The following HPSE2 variants were observed in gnomAD, a reference collection of about 807,000 sequenced individuals.
HPSE2 encodes the protein inactive heparanase-2.
HPSE2 carries 38 observed loss-of-function variants against 60.5 expected under a neutral mutation model. The observed-to-expected ratio is 0.63, with a 90% confidence interval of 0.48 to 0.82. The LOEUF is 0.82. HPSE2 is among the 40% of genes least tolerant of loss of function. The probability of loss-of-function intolerance (pLI) is 0.00; values close to 1 mark genes in which losing one functional copy is unlikely to be tolerated. For missense variants in HPSE2, 713 were observed against 740.4 expected, an observed-to-expected ratio of 0.96 and a Z score of 0.43; for synonymous variants, 295 against 293.2, an observed-to-expected ratio of 1.01 and a Z score of -0.06.
Position 98,729,391 on chromosome 10 carries a change from C to T in HPSE2, c.785-7563G>A, listed in dbSNP as rs76723360. Among the ~76,000 whole-genome samples the T allele has an allele frequency of 9.9e-5, 15 of 152,106 alleles. No individual in the cohort carries two copies. The East Asian group carries it at 2.1e-3, about 22-fold the overall frequency. ...TTGGGAGGCCAAGATGGGTAGGTCA[C>T]GCGGTCAGGAGATCAAAACCATCCT... On this transcript the variant is annotated intron_variant, in intron 4 of 11. Transcript: ENST00000370552.
intron 3 of HPSE2, among the ~76,000 whole-genome samples, chr10:98,749,528 T>G (rs1431268523): frequency 6.6e-6 from 1 of 151,436 alleles, no homozygotes; most frequent in African/African-American, 2.4e-5. Context: ...TACAAGAAGA[T>G]AGATATACAT....
At chr10:98,893,014 T>TA (rs1953380063) in intron 3 of HPSE2, among the ~76,000 whole-genome samples, 1 of 152,028 alleles carries the variant, frequency 6.6e-6, no homozygotes, top group African/African-American at 2.4e-5. Context: ...TACTATGAGG[T>TA]AGGTATCATT....
At chr10:99,011,866 A>T (rs1240872787) in intron 3 of HPSE2, among the ~76,000 whole-genome samples, 1 of 151,860 alleles carries the variant, frequency 6.6e-6, no homozygotes, top group Admixed American at 6.6e-5. Context: ...AGAAATTCTT[A>T]AAAGCATTCA....
intron 2 of HPSE2, among the ~76,000 whole-genome samples, chr10:99,201,391 T>C (rs533850820): frequency 2.5e-4 from 38 of 152,164 alleles, no homozygotes; most frequent in Non-Finnish European, 4.7e-4. Context: ...CACTATTCTA[T>C]TCTGTCCTGT....
chr10:99,055,325 C>T (rs1225057323), intron 3 of HPSE2, among the ~76,000 whole-genome samples: 2 of 151,818 alleles, frequency 1.3e-5, no homozygotes, highest in Non-Finnish European at 2.9e-5. Flanking sequence ...AAATAAAATA[C>T]TAGAACTGGA....
At chr10:98,997,082 T>C (rs1188511620) in intron 3 of HPSE2, among the ~76,000 whole-genome samples, 1 of 151,702 alleles carries the variant, frequency 6.6e-6, no homozygotes, top group Non-Finnish European at 1.5e-5. Flanking sequence ...CTGTCCCTAA[T>C]GTCCTTACTT....
At chr10:98,483,875 CAGCATA>C (rs369569591) in intron 10 of HPSE2, among the ~76,000 whole-genome samples, 29 of 152,280 alleles carry the variant, frequency 1.9e-4, no homozygotes, top group African/African-American at 6.7e-4. Flanking sequence ...TTCATTATTG[CAGCATA>C]ACCTCACCTA....
At chr10:98,775,848 T>C (rs892402201) in intron 3 of HPSE2, among the ~76,000 whole-genome samples, 1 of 152,204 alleles carries the variant, frequency 6.6e-6, no homozygotes, top group African/African-American at 2.4e-5. Context: ...ATTCATCAGC[T>C]ACCCCAATAA....
At chr10:98,892,872 C>T (rs899802387) in intron 3 of HPSE2, among the ~76,000 whole-genome samples, 1 of 152,048 alleles carries the variant, frequency 6.6e-6, no homozygotes, top group Non-Finnish European at 1.5e-5. Context: ...TTTCCCCCAG[C>T]ATTAAACCTT....
chr10:99,226,163 T>G, intron 2 of HPSE2, among the ~76,000 whole-genome samples: 1 of 151,974 alleles, frequency 6.6e-6, no homozygotes, highest in East Asian at 1.9e-4. Flanking sequence ...ATTTGCCTCA[T>G]GCTCTCTCTC....
intron 3 of HPSE2, among the ~76,000 whole-genome samples, chr10:98,888,825 T>G (rs1004984732): frequency 6.6e-6 from 1 of 152,248 alleles, no homozygotes; most frequent in African/African-American, 2.4e-5. Context: ...ACCAATTAAA[T>G]TTGAGAATCT....
intron 6 of HPSE2, among the ~76,000 whole-genome samples, chr10:98,665,362 T>C (rs1947334898): frequency 6.6e-6 from 1 of 152,096 alleles, no homozygotes; most frequent in African/African-American, 2.4e-5. Flanking sequence ...GAAAACATAT[T>C]TGAAGAAAGA....
intron 3 of HPSE2, among the ~76,000 whole-genome samples, chr10:99,034,134 A>C (rs1470790841): frequency 6.6e-6 from 1 of 152,238 alleles, no homozygotes; most frequent in African/African-American, 2.4e-5. Flanking sequence ...GTATAATAGA[A>C]TATTATTCAA....
chr10:98,670,735 CAT>C (rs1947484628), intron 6 of HPSE2, among the ~76,000 whole-genome samples: 1 of 152,226 alleles, frequency 6.6e-6, no homozygotes, highest in East Asian at 1.9e-4. Context: ...TATAGAAGAA[CAT>C]TGTGAAACTC....
chr10:99,036,985 AG>A (rs1243437188), intron 3 of HPSE2, among the ~76,000 whole-genome samples: 3 of 152,182 alleles, frequency 2.0e-5, no homozygotes, highest in Non-Finnish European at 4.4e-5. Flanking sequence ...GAGCAAGATT[AG>A]TATCACTAAG....
At chr10:99,234,947 T>G (rs1849789518) in intron 1 of HPSE2, among the ~76,000 whole-genome samples, 1 of 152,150 alleles carries the variant, frequency 6.6e-6, no homozygotes, top group African/African-American at 2.4e-5. Flanking sequence ...ATAAAAAATT[T>G]TAACTCCGAT....
chr10:98,800,146 T>C (rs527753621), intron 3 of HPSE2, among the ~76,000 whole-genome samples: 3 of 151,862 alleles, frequency 2.0e-5, no homozygotes, highest in Non-Finnish European at 4.4e-5. Context: ...GGTGGGCAAA[T>C]TGCTTGAGCC....
chr10:98,846,553 A>G (rs558098750), intron 3 of HPSE2, among the ~76,000 whole-genome samples: 59 of 152,306 alleles, frequency 3.9e-4, no homozygotes, highest in Admixed American at 1.4e-3. Flanking sequence ...CTCTCTCTGG[A>G]ATAAATGATG....
chr10:98,984,487 T>C (rs1281051189), intron 3 of HPSE2, among the ~76,000 whole-genome samples: 1 of 152,024 alleles, frequency 6.6e-6, no homozygotes, highest in Non-Finnish European at 1.5e-5. Flanking sequence ...CAAAACCCCA[T>C]CTGTACGTCA....
Sources: gnomAD v4.1 joint callset for allele counts (sites outside exome capture counted in the v4.1 genomes callset) on GRCh38, gnomAD v4.1.1 for gene constraint, MANE v1.5 for transcripts, NCBI Gene and HGNC (gene_info 2026-07-23, HGNC 2026-07-21) for gene names.